Variants in PAPSS1 observed in about 807,000 individuals in gnomAD.
The protein encoded by PAPSS1 is 3'-phosphoadenosine 5'-phosphosulfate synthase 1, also known as bifunctional 3'-phosphoadenosine 5'-phosphosulfate synthase 1.
Under a neutral mutation model 72.0 loss-of-function variants are expected in PAPSS1, and 50 were observed. The observed-to-expected ratio is 0.69, with a 90% confidence interval of 0.55 to 0.88. PAPSS1 has a LOEUF of 0.88. Ranked by LOEUF, PAPSS1 falls within the 40% of genes least tolerant of loss-of-function variation. The probability of loss-of-function intolerance (pLI) is 0.00; values close to 1 mark genes in which losing one functional copy is unlikely to be tolerated. For missense variants in PAPSS1, 657 were observed against 782.2 expected (o/e 0.84, Z 1.91); for synonymous variants, 261 against 263.6 (o/e 0.99, Z 0.09).
At chr4:107,629,083 C>A (rs1051242123) in intron 11 of PAPSS1, among the ~76,000 whole-genome samples, 4 of 152,112 alleles carry the variant, frequency 2.6e-5, no homozygotes, top group Non-Finnish European at 5.9e-5. Context: ...CTCACACTAA[C>A]TGATTATAAC....
chr4:107,687,991 AC>A (rs1244221075), intron 3 of PAPSS1, among the ~76,000 whole-genome samples: 2 of 149,386 alleles, frequency 1.3e-5, no homozygotes, highest in Admixed American at 6.7e-5. Flanking sequence ...AAAAAAAAAA[AC>A]AAATCTCCAA....
chr4:107,692,778 G>GTATATATATA (rs148086345), intron 3 of PAPSS1, among the ~76,000 whole-genome samples: 111 of 147,070 alleles, frequency 7.5e-4, no homozygotes, highest in African/African-American at 2.6e-3. Flanking sequence ...AACACGGTGT[G>GTATATATATA]TATATATATA....
At chr4:107,682,265 A>G (rs1301424301) in intron 4 of PAPSS1, 132 bp from the exon 5 acceptor site, 7 of 420,810 alleles carry the variant, frequency 1.7e-5, no homozygotes, top group Non-Finnish European at 3.0e-5. Flanking sequence ...ATAGTAATGA[A>G]GCATCTTTCT....
rs758487025 is a variant in PAPSS1, at chr4:107,720,204, G to A, written c.-25C>T. On this transcript the variant is annotated 5_prime_UTR_variant, in exon 1 of 12. Transcript: ENST00000265174. ...TGACCGCGGAGCGCGCTGAGCAGCC[G>A]GGGTTCTCTGCGCCGGGAGGGTAGC... is the stretch of plus-strand genomic sequence containing the variant. 8 of 1,594,340 alleles carry A rather than the reference G, an allele frequency of 5.0e-6. No individual in the cohort carries two copies. The highest frequency in any genetic ancestry group is 1.4e-5 in the African/African-American group (1 of 72,918).
chr4:107,630,790 C>CTACCTTATACA (rs2110301839), intron 11 of PAPSS1, among the ~76,000 whole-genome samples: 1 of 152,220 alleles, frequency 6.6e-6, no homozygotes, highest in Non-Finnish European at 1.5e-5. Context: ...CTTATACAAG[C>CTACCTTATACA]TACTTAGCCT....
chr4:107,678,051 G>T (rs1398227904), intron 5 of PAPSS1, among the ~76,000 whole-genome samples: 2 of 152,082 alleles, frequency 1.3e-5, no homozygotes, highest in African/African-American at 2.4e-5. Flanking sequence ...CTTGGGGAGT[G>T]GGGAGGGATA....
At chr4:107,668,639 C>T (rs6812736) in intron 5 of PAPSS1, among the ~76,000 whole-genome samples, 141,351 of 152,132 alleles carry the variant, frequency 0.93, 65,710 homozygotes, top group South Asian at 0.97. Context: ...TTCTCCGGTG[C>T]TGGATGCTTC....
intron 10 of PAPSS1, among the ~76,000 whole-genome samples, chr4:107,638,469 C>T (rs976261879): frequency 2.0e-5 from 3 of 152,108 alleles, no homozygotes; most frequent in African/African-American, 7.2e-5. Context: ...CAACCAGCAA[C>T]CAAACTAATT....
rs115700708 is a variant in PAPSS1 at position 107,615,993 on chromosome 4, T to C, written c.1737-1606A>G. Among the ~76,000 whole-genome samples the C allele has an allele frequency of 6.5e-3, 997 of 152,236 alleles. 12 individuals carry two copies. The highest frequency in any genetic ancestry group is 0.023 in the African/African-American group (950 of 41,556). ...TCCCAACCTCTAGAACTGTGAGAAA[T>C]AAATGTTTGTCATCTAAGCCTTCCA... On this transcript the variant is annotated intron_variant, in intron 11 of 11. Transcript: ENST00000265174.
chr4:107,685,482 T>C (rs914925590), intron 4 of PAPSS1, among the ~76,000 whole-genome samples: 2 of 152,258 alleles, frequency 1.3e-5, no homozygotes, highest in Middle Eastern at 3.2e-3. Flanking sequence ...GCCAAATTTC[T>C]ACACAAAGAC....
chr4:107,619,033 T>A (rs1360175517), intron 11 of PAPSS1, among the ~76,000 whole-genome samples: 2 of 152,188 alleles, frequency 1.3e-5, no homozygotes, highest in Non-Finnish European at 2.9e-5. Context: ...ACTAGAACTT[T>A]CTGGTCATGT....
At chr4:107,676,744 A>T (rs1727662470) in intron 5 of PAPSS1, among the ~76,000 whole-genome samples, 1 of 152,226 alleles carries the variant, frequency 6.6e-6, no homozygotes, top group Admixed American at 6.5e-5. Context: ...CTAAGCCAAA[A>T]GAACAAAGCT....
chr4:107,713,192 G>A (rs554082544), intron 1 of PAPSS1, among the ~76,000 whole-genome samples: 10 of 152,036 alleles, frequency 6.6e-5, no homozygotes, highest in South Asian at 2.1e-4. Flanking sequence ...CATGGATGAC[G>A]CTTGAAAACA....
intron 5 of PAPSS1, among the ~76,000 whole-genome samples, chr4:107,666,670 T>C (rs922118986): frequency 6.6e-6 from 1 of 152,216 alleles, no homozygotes; most frequent in Non-Finnish European, 1.5e-5. Context: ...TACTGTATCT[T>C]ACTGAAGACC....
rs773925968 is a variant in PAPSS1 at position 107,720,114 on chromosome 4, G to C, written c.60+6C>G. On this transcript the variant is annotated splice_donor_region_variant and intron_variant, in intron 1 of 11. Coordinates refer to ENST00000265174, the MANE Select transcript of PAPSS1 (RefSeq NM_005443.5). ...CCTCGCCGTCTCGCCTTCGTCCCCA[G>C]CTTACCCAGTTCTGCGCGTTATTGC... The C allele has an allele frequency of 3.7e-5, 59 of 1,603,046 alleles. No homozygotes were observed. The South Asian group carries it at 6.1e-4, about 17-fold the overall frequency.
rs201024212 is a variant in PAPSS1 at position 107,674,015 on chromosome 4, C to A, written c.669+8000G>T. On this transcript the variant is annotated intron_variant, in intron 5 of 11. Transcript: ENST00000265174. ...CAAATGCTAAGAGATTTTGTCACCA[C>A]CAGGCCTGCCCTAAAAGAGCTTCTG... Among the ~76,000 whole-genome samples the A allele has an allele frequency of 3.4e-4, 52 of 151,962 alleles. 2 individuals are homozygous for A. The East Asian group carries it at 0.01, about 30-fold the overall frequency.
At chr4:107,692,936 A>G (rs986641953) in intron 3 of PAPSS1, among the ~76,000 whole-genome samples, 4 of 152,136 alleles carry the variant, frequency 2.6e-5, no homozygotes, top group Non-Finnish European at 5.9e-5. Context: ...TATAAGTGGG[A>G]GCTGAATAAT....
In PAPSS1 at chr4:107,670,501, T is replaced by C. The variant is rs112796171; in HGVS notation, c.670-10429A>G. On this transcript the variant is annotated intron_variant, in intron 5 of 11. Transcript: ENST00000265174. ...TATGAAGAACTGTGAACACAAATCA[T>C]CTTTCCTCTTTATTTGATTTTTATT... 6.8e-3 allele frequency among the ~76,000 whole-genome samples: 1,029 copies of C among 152,276 alleles called. 12 individuals are homozygous for C. The highest frequency in any genetic ancestry group is 0.022 in the African/African-American group (918 of 41,558).
chr4:107,681,777 C>T (rs1037580257), intron 5 of PAPSS1, among the ~76,000 whole-genome samples: 1 of 152,190 alleles, frequency 6.6e-6, no homozygotes. Flanking sequence ...AAGTACAAGA[C>T]TGACTCCTAA....
Sources: gnomAD v4.1 joint callset for allele counts (sites outside exome capture counted in the v4.1 genomes callset) on GRCh38, gnomAD v4.1.1 for gene constraint, MANE v1.5 for transcripts, NCBI Gene and HGNC (gene_info 2026-07-23, HGNC 2026-07-21) for gene names.